Variants in ASCC1 observed in about 807,000 individuals in gnomAD.
ASCC1 encodes the protein activating signal cointegrator 1 complex subunit 1, also known as ASC-1 complex subunit P50.
ASCC1 carries 35 observed loss-of-function variants against 46.6 expected under a neutral mutation model. That is an observed-to-expected ratio of 0.75 (90% CI 0.57 to 0.99). The LOEUF is 0.99. Ranked by LOEUF, ASCC1 falls within the 50% of genes least tolerant of loss-of-function variation. The pLI, the probability that ASCC1 is intolerant of heterozygous loss-of-function variation, is 0.00. For synonymous variants in ASCC1, 143 were observed against 146.6 expected (o/e 0.98, Z 0.18); for missense variants, 376 against 428.7 (o/e 0.88, Z 1.09).
intron 6 of ASCC1, among the ~76,000 whole-genome samples, chr10:72,160,848 C>T (rs993587938): frequency 6.7e-5 from 10 of 149,562 alleles, no homozygotes; most frequent in Admixed American, 3.3e-4. Flanking sequence ...CTTTGGGAGG[C>T]CAAGGCGGGC....
intron 5 of ASCC1, among the ~76,000 whole-genome samples, chr10:72,194,531 T>C (rs1224258973): frequency 1.3e-5 from 2 of 152,010 alleles, no homozygotes; most frequent in African/African-American, 4.8e-5. Flanking sequence ...TATACTGTTT[T>C]TTCACTTCTA....
chr10:72,114,019 A>G (rs1408425211), intron 9 of ASCC1, among the ~76,000 whole-genome samples: 1 of 152,188 alleles, frequency 6.6e-6, no homozygotes, highest in African/African-American at 2.4e-5. Context: ...TTCATTCAAT[A>G]TTTTTTATTA....
At chr10:72,135,377 G>A (rs962371584) in intron 7 of ASCC1, among the ~76,000 whole-genome samples, 1 of 152,196 alleles carries the variant, frequency 6.6e-6, no homozygotes, top group Non-Finnish European at 1.5e-5. Flanking sequence ...ATGTTAAGTA[G>A]AGTGATCAGG....
intron 7 of ASCC1, among the ~76,000 whole-genome samples, chr10:72,152,061 G>A (rs919405528): frequency 6.0e-5 from 9 of 150,410 alleles, no homozygotes; most frequent in Non-Finnish European, 7.4e-5. Context: ...GTGTGATCAC[G>A]GCTCACTGCA....
chr10:72,195,147 T>G (rs1187045150), intron 5 of ASCC1, among the ~76,000 whole-genome samples: 14 of 135,414 alleles, frequency 1.0e-4, no homozygotes, highest in African/African-American at 3.9e-4. Flanking sequence ...GTGTTTTTTT[T>G]TTTTTTTTTT....
chr10:72,133,656 G>A (rs1845859146), intron 7 of ASCC1: 1 of 221,400 alleles, frequency 4.5e-6, no homozygotes, highest in Non-Finnish European at 9.1e-6. Flanking sequence ...CAATGGAGAT[G>A]AGCTAAGTCT....
At chr10:72,182,616 A>G (rs1852788811) in intron 5 of ASCC1, among the ~76,000 whole-genome samples, 1 of 152,210 alleles carries the variant, frequency 6.6e-6, no homozygotes, top group South Asian at 2.1e-4. Context: ...TTATTTTTCA[A>G]TTAAGTCAAT....
In ASCC1 at chr10:72,103,666, C is replaced by T. The variant is rs144700778; in HGVS notation, c.958-6216G>A. Among the ~76,000 whole-genome samples, 44 of 152,264 alleles carry T rather than the reference C, an allele frequency of 2.9e-4. 1 individual carries two copies. In the East Asian group the frequency reaches 7.5e-3, roughly 26 times the overall value. ...CCTATGAAGGCCGTCCTGTGACCTC[C>T]TGCTCTTCTCCCCTGAAGCAGGTCA... On this transcript the variant is annotated intron_variant, in intron 9 of 9. Coordinates refer to ENST00000672957, the MANE Select transcript of ASCC1 (RefSeq NM_001198800.3).
At chr10:72,167,143 G>T (rs1250549012) in intron 5 of ASCC1, among the ~76,000 whole-genome samples, 1 of 152,138 alleles carries the variant, frequency 6.6e-6, no homozygotes, top group Non-Finnish European at 1.5e-5. Context: ...TCCACCTCAA[G>T]ATGTGTACAT....
intron 9 of ASCC1, among the ~76,000 whole-genome samples, chr10:72,104,855 G>A (rs532808742): frequency 1.3e-5 from 2 of 152,216 alleles, no homozygotes; most frequent in African/African-American, 2.4e-5. Flanking sequence ...TGACTTGGAC[G>A]ATTTAAGAAA....
At chr10:72,196,748 C>T (rs369247646) in intron 5 of ASCC1, 63 bp downstream of exon 5, 1 of 1,493,184 alleles carries the variant, frequency 6.7e-7, no homozygotes. Context: ...GATTTATGAA[C>T]CATTTTTGTA....
Position 72,204,485 on chromosome 10 carries a change from G to C in ASCC1, c.213-961C>G, listed in dbSNP as rs11000217. The stretch of plus-strand genomic sequence containing the variant: ...TATCTTCTGGAACCCACAGTCGTTT[G>C]ATGTGTTCAAGTGAATGAGACTACC... On this transcript the variant is annotated intron_variant, in intron 3 of 9. Transcript: ENST00000672957. The C allele has an allele frequency of 0.029, 44,028 of 1,543,298 alleles. 2,996 individuals are homozygous for C. Among genetic ancestry groups the C allele is most frequent in the African/African-American group, 0.24 (17,738 of 72,830 alleles).
At chr10:72,148,698 A>G (rs1847923271) in intron 7 of ASCC1, among the ~76,000 whole-genome samples, 1 of 152,226 alleles carries the variant, frequency 6.6e-6, no homozygotes, top group African/African-American at 2.4e-5. Context: ...AGAAATCTGC[A>G]TAACTCAGTG....
chr10:72,217,120 A>T (rs1355015014), upstream of ASCC1: 3 of 450,458 alleles, frequency 6.7e-6, no homozygotes, highest in African/African-American at 2.0e-5. Context: ...TGTGCTCGGC[A>T]TTGAGGGTAG....
intron 3 of ASCC1, chr10:72,204,290 T>A: frequency 9.9e-7 from 1 of 1,014,468 alleles, no homozygotes; most frequent in Non-Finnish European, 1.4e-6. Context: ...AATAGAAAAA[T>A]TAGAATATCT....
intron 5 of ASCC1, among the ~76,000 whole-genome samples, chr10:72,184,061 T>C (rs1853058717): frequency 6.6e-6 from 1 of 151,978 alleles, no homozygotes; most frequent in South Asian, 2.1e-4. Context: ...GGAGAATCGC[T>C]TGAACCGGGG....
intron 9 of ASCC1, among the ~76,000 whole-genome samples, chr10:72,098,733 T>C (rs1841383917): frequency 6.6e-6 from 1 of 152,260 alleles, no homozygotes; most frequent in Non-Finnish European, 1.5e-5. Flanking sequence ...TAAATATTGA[T>C]TCTTCAACAT....
At chr10:72,097,726 A>G (rs916753990) in intron 9 of ASCC1, among the ~76,000 whole-genome samples, 1 of 152,228 alleles carries the variant, frequency 6.6e-6, no homozygotes, top group Non-Finnish European at 1.5e-5. Context: ...TCCGAAATTC[A>G]TCTACTGACC....
chr10:72,149,818 G>GT (rs1212663403), intron 7 of ASCC1, among the ~76,000 whole-genome samples: 4 of 152,150 alleles, frequency 2.6e-5, no homozygotes, highest in South Asian at 2.1e-4. Flanking sequence ...CTCCTATAAA[G>GT]TAACAATGTG....
Sources: gnomAD v4.1 joint callset for allele counts (sites outside exome capture counted in the v4.1 genomes callset) on GRCh38, gnomAD v4.1.1 for gene constraint, MANE v1.5 for transcripts, NCBI Gene and HGNC (gene_info 2026-07-23, HGNC 2026-07-21) for gene names.